Variants in C11orf65 observed in about 807,000 individuals in gnomAD.
C11orf65 encodes the protein chromosome 11 open reading frame 65, also known as protein MFI.
Under a neutral mutation model 35.3 loss-of-function variants are expected in C11orf65, and 38 were observed. The observed-to-expected ratio is 1.08, with a 90% CI of 0.83 to 1.41. The LOEUF (loss-of-function observed/expected upper bound fraction) is 1.41. C11orf65 is among the 40% of genes most tolerant of loss of function. C11orf65 has a pLI of 0.00. For synonymous variants in C11orf65, 105 were observed against 114.4 expected, an observed-to-expected ratio of 0.92 and a Z score of 0.53; for missense variants, 370 against 367.1, an observed-to-expected ratio of 1.01 and a Z score of -0.06.
intron 6 of C11orf65, among the ~76,000 whole-genome samples, chr11:108,315,595 A>G (rs949487991): frequency 9.2e-5 from 14 of 152,108 alleles, no homozygotes; most frequent in African/African-American, 2.7e-4. Flanking sequence ...AAAGTTTTCA[A>G]TATATTTATT....
chr11:108,452,848 T>C (rs545996969), intron 2 of C11orf65, among the ~76,000 whole-genome samples: 17 of 151,926 alleles, frequency 1.1e-4, no homozygotes, highest in African/African-American at 4.1e-4. Context: ...ATGTCCTTCG[T>C]AGGGACATGG....
At chr11:108,397,489 A>T (rs2092344052) in intron 6 of C11orf65, among the ~76,000 whole-genome samples, 1 of 152,192 alleles carries the variant, frequency 6.6e-6, no homozygotes, top group African/African-American at 2.4e-5. Context: ...AGAGAAGTTA[A>T]AACAACAAAG....
chr11:108,365,745 G>A (rs185904823), intron 2 of C11orf65: 134 of 554,152 alleles, frequency 2.4e-4, no homozygotes, highest in Non-Finnish European at 3.3e-4. Context: ...TGGGCGCAGC[G>A]GCTCACGCCT....
intron 2 of C11orf65, among the ~76,000 whole-genome samples, chr11:108,371,449 A>G (rs1247358648): frequency 6.6e-6 from 1 of 152,154 alleles, no homozygotes; most frequent in Non-Finnish European, 1.5e-5. Flanking sequence ...TTTGACATTC[A>G]AGGTACTGTA....
intron 7 of C11orf65, among the ~76,000 whole-genome samples, chr11:108,390,154 G>C (rs2092120177): frequency 6.6e-6 from 1 of 152,018 alleles, no homozygotes; most frequent in Non-Finnish European, 1.5e-5. Flanking sequence ...CTCCCTAGTA[G>C]CTGGGACTAC....
At chr11:108,405,296 TGTCGTTTGGGTCA>T in intron 6 of C11orf65, 120 bp downstream of exon 6, 2 of 818,904 alleles carry the variant, frequency 2.4e-6, no homozygotes, top group South Asian at 3.7e-5. Context: ...TTTATTCATC[TGTCGTTTGGGTCA>T]GGGTCTGCGG....
At chr11:108,443,033 A>G (rs1048337364) in intron 2 of C11orf65, among the ~76,000 whole-genome samples, 2 of 152,246 alleles carry the variant, frequency 1.3e-5, no homozygotes, top group East Asian at 1.9e-4. Context: ...CAAATTGGAT[A>G]AAGATTCAAG....
intron 1 of C11orf65, among the ~76,000 whole-genome samples, chr11:108,465,926 G>C (rs577285320): frequency 6.6e-6 from 1 of 151,086 alleles, no homozygotes; most frequent in Non-Finnish European, 1.5e-5. Flanking sequence ...CGGAGGTTGC[G>C]GTGAGTCGAG....
At chr11:108,458,297 G>T (rs2093431194) in intron 2 of C11orf65, among the ~76,000 whole-genome samples, 1 of 146,288 alleles carries the variant, frequency 6.8e-6, no homozygotes, top group African/African-American at 2.5e-5. Context: ...CTTGAACTGG[G>T]AGGCGCCAAA....
intron 2 of C11orf65, among the ~76,000 whole-genome samples, chr11:108,337,837 T>C (rs2087021264): frequency 1.3e-5 from 2 of 152,256 alleles, no homozygotes; most frequent in Admixed American, 1.3e-4. Context: ...TACAAAAGTA[T>C]GGGCTATAGG....
At chr11:108,385,754 T>C (rs2091980687) in intron 8 of C11orf65, among the ~76,000 whole-genome samples, 166 bp downstream of exon 8, 1 of 152,184 alleles carries the variant, frequency 6.6e-6, no homozygotes, top group South Asian at 2.1e-4. Context: ...TTTCCTTCTA[T>C]TCCCAAATAA....
At chr11:108,325,246 A>G (rs866648096) in intron 6 of C11orf65, 1 of 1,005,510 alleles carries the variant, frequency 9.9e-7, no homozygotes, top group South Asian at 1.4e-5. Context: ...CAGAACTTAC[A>G]TAGTTTTTTT....
intron 2 of C11orf65, among the ~76,000 whole-genome samples, chr11:108,357,087 C>T (rs534666241): frequency 1.1e-4 from 16 of 152,334 alleles, no homozygotes; most frequent in East Asian, 5.8e-4. Flanking sequence ...AGTGGGTGCA[C>T]GCACTGTGCG....
chr11:108,370,083 C>A (rs2091513284), intron 2 of C11orf65, among the ~76,000 whole-genome samples: 1 of 152,062 alleles, frequency 6.6e-6, no homozygotes, highest in Non-Finnish European at 1.5e-5. Flanking sequence ...TTAAATCTTT[C>A]AGGTAGGGAT....
rs1305054357 is a variant in C11orf65 at position 108,332,707 on chromosome 11, G to GCA, written c.300-1141_300-1140insTG. ...TTTCTCTTTGTTTTTCTAACTCTGA[G>GCA]AAGTTTAAATGTTGGGTAGTTCCTT... On this transcript the variant is annotated intron_variant, in intron 3 of 3. Transcript: ENST00000524755. 4 of 1,569,360 alleles carry GCA rather than the reference G, an allele frequency of 2.5e-6. No individual in the cohort carries two copies. The African/African-American group carries it at 5.4e-5, about 21-fold the overall frequency.
intron 6 of C11orf65, among the ~76,000 whole-genome samples, chr11:108,322,601 AATAGT>A (rs2085316230): frequency 6.6e-6 from 1 of 152,226 alleles, no homozygotes; most frequent in South Asian, 2.1e-4. Context: ...TGGAAGATGA[AATAGT>A]ATAGTTACTC....
chr11:108,402,592 G>A (rs900591605), intron 6 of C11orf65, among the ~76,000 whole-genome samples: 11 of 151,788 alleles, frequency 7.2e-5, no homozygotes, highest in Admixed American at 3.3e-4. Flanking sequence ...ATTGAGGTAT[G>A]GTTGATGTAC....
chr11:108,450,069 A>G (rs1008943756), intron 2 of C11orf65, among the ~76,000 whole-genome samples: 11 of 152,082 alleles, frequency 7.2e-5, no homozygotes, highest in African/African-American at 2.7e-4. Flanking sequence ...AATGCAAATC[A>G]AAACCACAAT....
intron 2 of C11orf65, among the ~76,000 whole-genome samples, chr11:108,437,707 TAAAAAA>T (rs145337876): frequency 1.8e-4 from 7 of 38,030 alleles, no homozygotes; most frequent in Admixed American, 3.4e-4. Flanking sequence ...GACTCAGTCT[TAAAAAA>T]AAAAAAAAAA....
Sources: allele counts gnomAD v4.1 joint callset (sites outside exome capture counted in the v4.1 genomes callset), GRCh38; gene constraint gnomAD v4.1.1; transcripts MANE v1.5; gene names NCBI Gene and HGNC (gene_info 2026-07-23, HGNC 2026-07-21).